NUP62CL: variants seen among roughly 807,000 people sequenced by gnomAD.
NUP62CL encodes nucleoporin-62 C-terminal-like protein.
Under a neutral mutation model 15.3 loss-of-function variants are expected in NUP62CL, and 13 were observed. The observed-to-expected ratio is 0.85, with a 90% CI of 0.55 to 1.35. The LOEUF (loss-of-function observed/expected upper bound fraction) is 1.35, where lower values mean the gene tolerates loss of function less well. Among genes scored for constraint, NUP62CL ranks in the 40% most tolerant of loss-of-function variants. The probability of loss-of-function intolerance (pLI) is 0.00; values close to 1 mark genes in which losing one functional copy is unlikely to be tolerated. For missense variants in NUP62CL, 123 were observed against 130.6 expected (o/e 0.94, Z 0.28); for synonymous variants, 54 against 49.2 (o/e 1.10, Z -0.41).
intron 8 of NUP62CL, among the ~76,000 whole-genome samples, chrX:107,142,393 G>A (rs770748053): frequency 9.0e-6 from 1 of 111,485 alleles, no homozygotes; most frequent in Non-Finnish European, 1.9e-5. Flanking sequence ...ACTCTAAGGA[G>A]TAACTCTGCC....
chrX:107,191,756 T>A (rs1927247472), intron 2 of NUP62CL, among the ~76,000 whole-genome samples: 1 of 111,695 alleles, frequency 9.0e-6, no homozygotes, highest in Admixed American at 9.5e-5. Context: ...CCCAGCACTT[T>A]ATTAAACAAC....
At chrX:107,142,174 T>C (rs1925786159) in intron 8 of NUP62CL, among the ~76,000 whole-genome samples, 1 of 111,032 alleles carries the variant, frequency 9.0e-6, no homozygotes, top group East Asian at 2.8e-4. Context: ...ATATTAACAC[T>C]GGGTAAATAT....
At chrX:107,126,101 A>C (rs1402616586) in intron 8 of NUP62CL, among the ~76,000 whole-genome samples, 1 of 112,402 alleles carries the variant, frequency 8.9e-6, no homozygotes, top group Non-Finnish European at 1.9e-5. Context: ...TGTTCTAAAC[A>C]ATATGAAAAT....
chrX:107,171,665 G>A (rs180845279), intron 3 of NUP62CL, among the ~76,000 whole-genome samples: 99 of 111,491 alleles, frequency 8.9e-4, no homozygotes, highest in African/African-American at 3.0e-3. Flanking sequence ...CACAACACAT[G>A]GGAATTATGG....
At chrX:107,167,338 G>A (rs932410720) in intron 4 of NUP62CL, among the ~76,000 whole-genome samples, 2 of 111,622 alleles carry the variant, frequency 1.8e-5, no homozygotes, top group Non-Finnish European at 3.8e-5. Flanking sequence ...GTTACTGTGA[G>A]GATAAATGAC....
intron 7 of NUP62CL, among the ~76,000 whole-genome samples, chrX:107,148,184 G>C (rs1027190755): frequency 4.5e-5 from 5 of 111,441 alleles, no homozygotes; most frequent in African/African-American, 1.6e-4. Context: ...CAGTTATCGA[G>C]TGTGTGGGAA....
Position 107,176,571 on chromosome X carries a change from T to G in NUP62CL, c.-47-1378A>C, listed in dbSNP as rs866057922. Among the ~76,000 whole-genome samples the G allele has an allele frequency of 6.1e-5, 6 of 98,045 alleles. No homozygotes were observed. The South Asian group carries it at 2.4e-3, about 38-fold the overall frequency. The allele number at this position is 98,045 out of a possible 115,157, so 85.1% of individuals were successfully genotyped here. ...AATGGGTATAGGGTTTTTTTTTTTGTCGGGGGGGCGATGAAAATGTTCTCA... is the reference window on the plus strand; with the variant it reads ...AATGGGTATAGGGTTTTTTTTTTTGGCGGGGGGGCGATGAAAATGTTCTCA... On this transcript the variant is annotated intron_variant, in intron 2 of 8. Transcript: ENST00000372466.
chrX:107,163,824 T>C (rs1460973900), intron 4 of NUP62CL, among the ~76,000 whole-genome samples: 3 of 111,410 alleles, frequency 2.7e-5, no homozygotes, highest in East Asian at 2.8e-4. Context: ...CCTAAATGTA[T>C]AGGTGACCAA....
intron 2 of NUP62CL, among the ~76,000 whole-genome samples, chrX:107,191,224 T>TG (rs1384863025): frequency 2.9e-5 from 3 of 102,748 alleles, no homozygotes; most frequent in African/African-American, 1.1e-4. Context: ...GTGAAGGTTT[T>TG]GTTCTATAGG....
intron 4 of NUP62CL, among the ~76,000 whole-genome samples, chrX:107,166,229 C>T (rs1926513798): frequency 9.0e-6 from 1 of 111,461 alleles, no homozygotes; most frequent in South Asian, 3.7e-4. Context: ...ATCAAATAAT[C>T]CAAGTAGAAA....
chrX:107,160,436 T>C (rs1207073692), intron 4 of NUP62CL, among the ~76,000 whole-genome samples: 8 of 106,143 alleles, frequency 7.5e-5, no homozygotes, highest in Non-Finnish European at 1.3e-4. Context: ...AACAGAGATA[T>C]AGATCAATGG....
At chrX:107,191,675 T>C (rs1435915835) in intron 2 of NUP62CL, among the ~76,000 whole-genome samples, 1 of 109,336 alleles carries the variant, frequency 9.1e-6, no homozygotes, top group African/African-American at 3.3e-5. Flanking sequence ...GCCACTGCAA[T>C]CCAGCCTGGC....
intron 4 of NUP62CL, among the ~76,000 whole-genome samples, chrX:107,155,261 C>T (rs1309286772): frequency 1.8e-5 from 2 of 112,322 alleles, no homozygotes; most frequent in Non-Finnish European, 3.8e-5. Flanking sequence ...AGCCTTCATA[C>T]CAACCAAGGA....
At chrX:107,155,681 G>GA (rs1172415081) in intron 4 of NUP62CL, among the ~76,000 whole-genome samples, 3 of 110,100 alleles carry the variant, frequency 2.7e-5, no homozygotes, top group Admixed American at 9.5e-5. Context: ...GATGCTTGAT[G>GA]AAAAAAAAAT....
At chrX:107,196,680 C>T (rs1442201061) in intron 1 of NUP62CL, among the ~76,000 whole-genome samples, 2 of 111,717 alleles carry the variant, frequency 1.8e-5, no homozygotes, top group Non-Finnish European at 3.8e-5. Flanking sequence ...AAACTCCTGA[C>T]CTCAGGTGAT....
At chrX:107,191,669 C>CTGCAATCCAGCCTGGCGACAGAG (rs1927244510) in intron 2 of NUP62CL, among the ~76,000 whole-genome samples, 1 of 110,281 alleles carries the variant, frequency 9.1e-6, no homozygotes, top group Non-Finnish European at 1.9e-5. Context: ...GATCACGCCA[C>CTGCAATCCAGCCTGGCGACAGAG]TGCAATCCAG....
chrX:107,141,958 G>T (rs1477703467), intron 8 of NUP62CL, among the ~76,000 whole-genome samples: 1 of 109,531 alleles, frequency 9.1e-6, no homozygotes, highest in African/African-American at 3.3e-5. Context: ...TACTCGGGAG[G>T]CAGAATCACT....
chrX:107,125,802 G>A (rs1051856200), intron 8 of NUP62CL, among the ~76,000 whole-genome samples: 1 of 111,634 alleles, frequency 9.0e-6, no homozygotes, highest in Admixed American at 9.5e-5. Context: ...ATGCAAAGGG[G>A]TACATTTATA....
chrX:107,188,194 T>G (rs974373688), intron 2 of NUP62CL, among the ~76,000 whole-genome samples: 2 of 111,979 alleles, frequency 1.8e-5, no homozygotes, highest in African/African-American at 6.5e-5. Flanking sequence ...TGAACATAAA[T>G]GCAAGAATCC....
Sources: gnomAD v4.1 joint callset for allele counts (sites outside exome capture counted in the v4.1 genomes callset) on GRCh38, gnomAD v4.1.1 for gene constraint, MANE v1.5 for transcripts, NCBI Gene and HGNC (gene_info 2026-07-23, HGNC 2026-07-21) for gene names.